Variants in ZBTB1 observed in about 807,000 individuals in gnomAD.
The protein encoded by ZBTB1 is zinc finger and BTB domain-containing protein 1.
In ZBTB1, 13 loss-of-function variants were observed where a neutral mutation model predicts 51.6. The ratio of observed to expected loss-of-function variants is 0.25; its 90% CI spans 0.16 to 0.40. The LOEUF (loss-of-function observed/expected upper bound fraction) is 0.40, where lower values mean the gene tolerates loss of function less well. ZBTB1 is among the 10% of genes least tolerant of loss of function. The pLI is 1.00. For synonymous variants in ZBTB1, 240 were observed against 282.2 expected (o/e 0.85, Z 1.50); for missense variants, 567 against 856.5 (o/e 0.66, Z 4.22).
intron 1 of ZBTB1, among the ~76,000 whole-genome samples, chr14:64,511,051 G>A (rs1374139994): frequency 6.6e-6 from 1 of 152,142 alleles, no homozygotes; most frequent in African/African-American, 2.4e-5. Context: ...CTAGGTGATT[G>A]GTACATAGTG....
chr14:64,518,904 G>GTATATA (rs71123855), intron 1 of ZBTB1, among the ~76,000 whole-genome samples: 6,240 of 94,886 alleles, frequency 0.066, 386 homozygotes, highest in South Asian at 0.1. Flanking sequence ...TTGCAGAGAG[G>GTATATA]TATATATATA....
upstream of ZBTB1, chr14:64,504,558 C>T (rs2079606352): frequency 5.1e-6 from 1 of 195,446 alleles, no homozygotes; most frequent in Admixed American, 6.1e-5. Context: ...GTTGCGCCAG[C>T]CTCCTCGGAG....
At position 64,524,607 on chromosome 14, in the gene ZBTB1, A is replaced by G; in HGVS notation, c.*961A>G. On this transcript the variant is annotated 3_prime_UTR_variant, in exon 2 of 2. Transcript: ENST00000683701. ...TTGAGATTTGAGAAAGCTTCCATGT[A>G]TATTGATAAATCTAATAAAATAAAG... is the stretch of plus-strand genomic sequence containing the variant. 1.0e-6 allele frequency: 1 copy of G among 981,964 alleles called. No individual in the cohort carries two copies. The highest frequency in any genetic ancestry group is 1.2e-6 in the Non-Finnish European group (1 of 826,802). The allele number at this position is 981,964 out of a possible 1,614,324, so 60.8% of individuals were successfully genotyped here. A position where few individuals can be genotyped will look rare whatever the true frequency, so the allele number is the denominator to read the frequency against.
At chr14:64,513,692 T>C (rs902748341) in intron 1 of ZBTB1, among the ~76,000 whole-genome samples, 1 of 152,190 alleles carries the variant, frequency 6.6e-6, no homozygotes, top group African/African-American at 2.4e-5. Context: ...GATGGAGTCT[T>C]GCTCTGTTGC....
chr14:64,504,701 G>A (rs1045441157), upstream of ZBTB1: 3 of 369,004 alleles, frequency 8.1e-6, no homozygotes, highest in Admixed American at 4.6e-5. Flanking sequence ...CAGACCCGGA[G>A]TCGCCGCGTA....
chr14:64,528,776 C>A (rs2079923127), downstream of ZBTB1, among the ~76,000 whole-genome samples: 1 of 152,206 alleles, frequency 6.6e-6, no homozygotes. Flanking sequence ...TTAATCCCCA[C>A]AGCCTTATGA....
At chr14:64,516,911 A>G (rs1192400571) in intron 1 of ZBTB1, among the ~76,000 whole-genome samples, 1 of 152,200 alleles carries the variant, frequency 6.6e-6, no homozygotes, top group African/African-American at 2.4e-5. Flanking sequence ...TTGATCTTCT[A>G]TGTAGTTGTA....
rs1009172767 is a variant in ZBTB1, at chr14:64,524,849, T to A, written c.*1203T>A. 13 of 984,940 alleles carry A rather than the reference T, an allele frequency of 1.3e-5. No homozygotes were observed. The highest frequency in any genetic ancestry group is 1.7e-5 in the African/African-American group (1 of 57,220). The allele number at this position is 984,940 out of a possible 1,614,324, so 61.0% of individuals were successfully genotyped here. The stretch of plus-strand genomic sequence containing the variant: ...CAGTTTATCATTTTTTCAGTTAAAG[T>A]AGTAGTATTGTTAGTTGTTGCTGAC... On this transcript the variant is annotated 3_prime_UTR_variant, in exon 2 of 2. Coordinates refer to ENST00000683701, the MANE Select transcript of ZBTB1 (RefSeq NM_001123329.2).
At chr14:64,508,773 G>A (rs182369636) in intron 1 of ZBTB1, among the ~76,000 whole-genome samples, 2 of 152,166 alleles carry the variant, frequency 1.3e-5, no homozygotes, top group Admixed American at 1.3e-4. Flanking sequence ...TATAAAAGTT[G>A]CCATGATTGA....
chr14:64,533,424 C>G (rs2140196662), exon 3 of ZBTB1: 1 of 152,432 alleles, frequency 6.6e-6, no homozygotes, highest in Non-Finnish European at 1.5e-5. Flanking sequence ...GGTGCCAGAT[C>G]AAAATAGTAA....
chr14:64,511,784 GTCT>G (rs1233792357), intron 1 of ZBTB1, among the ~76,000 whole-genome samples: 1 of 152,248 alleles, frequency 6.6e-6, no homozygotes, highest in Non-Finnish European at 1.5e-5. Flanking sequence ...AAGCATAACA[GTCT>G]GAGGCCATTT....
chr14:64,509,858 TC>T (rs1373289603), intron 1 of ZBTB1, among the ~76,000 whole-genome samples: 28 of 151,558 alleles, frequency 1.8e-4, no homozygotes. Context: ...GCGCCTGTAG[TC>T]CCAGCTACTC....
chr14:64,505,734 A>AAG, intron 1 of ZBTB1, among the ~76,000 whole-genome samples: 1 of 152,326 alleles, frequency 6.6e-6, no homozygotes, highest in Non-Finnish European at 1.5e-5. Context: ...GCGAATCAGG[A>AAG]AGAGGTTGAT....
At chr14:64,530,272 A>G (rs1250413609) in intron 2 of ZBTB1, among the ~76,000 whole-genome samples, 1 of 152,244 alleles carries the variant, frequency 6.6e-6, no homozygotes. Flanking sequence ...TAAGTGTTAA[A>G]TATAAACTAA....
intron 1 of ZBTB1, among the ~76,000 whole-genome samples, chr14:64,518,904 G>GTGTATATATATATATATATATA: frequency 2.1e-5 from 2 of 95,122 alleles, no homozygotes; most frequent in Middle Eastern, 5.6e-3. Flanking sequence ...TTGCAGAGAG[G>GTGTATATATATATATATATATA]TATATATATA....
chr14:64,508,385 G>A (rs2079689082), intron 1 of ZBTB1, among the ~76,000 whole-genome samples: 1 of 152,166 alleles, frequency 6.6e-6, no homozygotes, highest in Non-Finnish European at 1.5e-5. Context: ...GGAGTTAGCA[G>A]ATGGAAGGGG....
At chr14:64,514,986 T>G (rs1274256020) in intron 1 of ZBTB1, among the ~76,000 whole-genome samples, 1 of 152,266 alleles carries the variant, frequency 6.6e-6, no homozygotes, top group African/African-American at 2.4e-5. Flanking sequence ...TCTAAAAATG[T>G]ATGATTAAAT....
chr14:64,505,778 T>C (rs533789001), intron 1 of ZBTB1, among the ~76,000 whole-genome samples: 5 of 152,284 alleles, frequency 3.3e-5, no homozygotes, highest in East Asian at 1.9e-4. Flanking sequence ...GATAGGACAT[T>C]TGTGTGTGAT....
At chr14:64,517,781 A>ATATATATATATATATATATATTT (rs1160337478) in intron 1 of ZBTB1, among the ~76,000 whole-genome samples, 1 of 41,550 alleles carries the variant, frequency 2.4e-5, no homozygotes, top group African/African-American at 8.9e-5. Context: ...ATATATATAT[A>ATATATATATATATATATATATTT]TTTTTTTTTT....
Sources: allele counts gnomAD v4.1 joint callset (sites outside exome capture counted in the v4.1 genomes callset), GRCh38; gene constraint gnomAD v4.1.1; transcripts MANE v1.5; gene names NCBI Gene and HGNC (gene_info 2026-07-23, HGNC 2026-07-21).